The following SCN9A variants were observed in gnomAD, a reference collection of about 807,000 sequenced individuals.
SCN9A encodes sodium channel protein type 9 subunit alpha.
Under a neutral mutation model 187.0 loss-of-function variants are expected in SCN9A, and 131 were observed. The observed-to-expected ratio is 0.70, with a 90% CI of 0.61 to 0.81. The LOEUF (loss-of-function observed/expected upper bound fraction) is 0.81. SCN9A is among the 30% of genes least tolerant of loss of function. SCN9A has a pLI of 0.00. For synonymous variants in SCN9A, 809 were observed against 808.6 expected, an observed-to-expected ratio of 1.00 and a Z score of -0.01; for missense variants, 2,252 against 2,396.6, an observed-to-expected ratio of 0.94 and a Z score of 1.26.
At chr2:166,205,846 G>C (rs971514674) in intron 24 of SCN9A, among the ~76,000 whole-genome samples, 1 of 152,122 alleles carries the variant, frequency 6.6e-6, no homozygotes, top group African/African-American at 2.4e-5. Flanking sequence ...ATCAAAAAGT[G>C]GGCAAAGGAT....
intron 20 of SCN9A, among the ~76,000 whole-genome samples, chr2:166,236,760 A>G (rs952405523): frequency 2.6e-5 from 4 of 152,316 alleles, no homozygotes; most frequent in Admixed American, 1.3e-4. Context: ...ATAACAGTTG[A>G]GAAATTGAAC....
chr2:166,293,415 A>G (rs752487696), intron 8 of SCN9A, 43 bp from the exon 9 acceptor site: 3 of 1,514,444 alleles, frequency 2.0e-6, no homozygotes, highest in Admixed American at 4.1e-5. Context: ...TGTCTTCAGG[A>G]CACAAGCTAA....
At chr2:166,278,385 G>T (rs1466239474) in intron 14 of SCN9A, 72 bp from the exon 15 acceptor site, 10 of 1,262,812 alleles carry the variant, frequency 7.9e-6, no homozygotes, top group Non-Finnish European at 9.8e-6. Context: ...AATAATCACT[G>T]TTTGCTTAGC....
intron 17 of SCN9A, among the ~76,000 whole-genome samples, chr2:166,257,197 C>G (rs1696316122): frequency 6.6e-6 from 1 of 151,460 alleles, no homozygotes; most frequent in Non-Finnish European, 1.5e-5. Context: ...TCTTTAGAAG[C>G]AAACATTTAA....
intron 24 of SCN9A, among the ~76,000 whole-genome samples, chr2:166,205,818 A>C (rs1693772772): frequency 6.6e-6 from 1 of 152,182 alleles, no homozygotes; most frequent in Non-Finnish European, 1.5e-5. Context: ...AATTTACAAG[A>C]AAAAAACAAA....
At chr2:166,337,783 A>T (rs1412875065) in intron 1 of SCN9A, among the ~76,000 whole-genome samples, 5 of 152,122 alleles carry the variant, frequency 3.3e-5, no homozygotes, top group Non-Finnish European at 7.3e-5. Flanking sequence ...AAGTTACTTA[A>T]CTGTGTATCT....
chr2:166,266,492 T>C (rs1696743447), intron 17 of SCN9A, among the ~76,000 whole-genome samples: 1 of 151,796 alleles, frequency 6.6e-6, no homozygotes, highest in Non-Finnish European at 1.5e-5. Context: ...AGTCAGTTAG[T>C]GTGAAGCCAT....
At chr2:166,316,901 T>C (rs1432742928) in intron 1 of SCN9A, among the ~76,000 whole-genome samples, 3 of 151,866 alleles carry the variant, frequency 2.0e-5, no homozygotes, top group Non-Finnish European at 4.4e-5. Context: ...CAATCCAAAA[T>C]CCTAACAGTA....
chr2:166,254,278 C>A (rs1696170856), intron 17 of SCN9A, among the ~76,000 whole-genome samples: 1 of 151,420 alleles, frequency 6.6e-6, no homozygotes, highest in Non-Finnish European at 1.5e-5. Flanking sequence ...GATTCTTAGA[C>A]ATTCAATGTT....
chr2:166,284,834 A>C lies in SCN9A; in HGVS notation c.1603-10T>G, dbSNP rs1315711000. 1.3e-6 allele frequency: 2 copies of C among 1,586,008 alleles called. No homozygotes were observed. Among genetic ancestry groups the C allele is most frequent in the Admixed American group, 1.8e-5 (1 of 55,384 alleles). On this transcript the variant is annotated splice_polypyrimidine_tract_variant and intron_variant, in intron 11 of 26. Coordinates refer to ENST00000642356, the MANE Select transcript of SCN9A (RefSeq NM_001365536.1). ...GAATGCTGAGTGGTGACTGCAGAAA[A>C]ATTAAAAAAAACGTGGTTGCTGAAG...
At chr2:166,236,958 A>C (rs1055158794) in intron 20 of SCN9A, among the ~76,000 whole-genome samples, 1 of 152,074 alleles carries the variant, frequency 6.6e-6, no homozygotes, top group African/African-American at 2.4e-5. Flanking sequence ...TTGCGTGTTG[A>C]CCTCTAATTA....
intron 1 of SCN9A, among the ~76,000 whole-genome samples, chr2:166,335,642 A>G (rs1483150484): frequency 6.6e-6 from 1 of 152,136 alleles, no homozygotes; most frequent in African/African-American, 2.4e-5. Context: ...GCAGACTTTC[A>G]AAAGCTTGGA....
chr2:166,216,041 G>A (rs547407619), intron 24 of SCN9A, among the ~76,000 whole-genome samples: 1 of 152,114 alleles, frequency 6.6e-6, no homozygotes, highest in African/African-American at 2.4e-5. Flanking sequence ...CATTCACCAT[G>A]ATTACTTGGG....
chr2:166,324,656 A>G (rs1699321616), intron 1 of SCN9A, among the ~76,000 whole-genome samples: 1 of 152,308 alleles, frequency 6.6e-6, no homozygotes, highest in East Asian at 1.9e-4. Context: ...CATTGATACT[A>G]TGTGATGAGA....
chr2:166,288,396 A>C, intron 10 of SCN9A, 41 bp downstream of exon 10: 1 of 1,537,228 alleles, frequency 6.5e-7, no homozygotes, highest in African/African-American at 1.4e-5. Context: ...AACCGTTTGC[A>C]TTTCTACCTC....
chr2:166,340,823 A>G (rs1281417157), intron 1 of SCN9A, among the ~76,000 whole-genome samples: 1 of 151,724 alleles, frequency 6.6e-6, no homozygotes, highest in Non-Finnish European at 1.5e-5. Context: ...GGGTCTTACT[A>G]TGTTGCCCCG....
At chr2:166,251,466 A>G (rs1032383983) in intron 18 of SCN9A, among the ~76,000 whole-genome samples, 9 of 152,166 alleles carry the variant, frequency 5.9e-5, no homozygotes, top group African/African-American at 1.9e-4. Context: ...ATTAACTTGT[A>G]TTCTGGTGGT....
intron 1 of SCN9A, among the ~76,000 whole-genome samples, chr2:166,332,875 C>T (rs1415406085): frequency 6.6e-6 from 1 of 151,770 alleles, no homozygotes; most frequent in African/African-American, 2.4e-5. Flanking sequence ...CATAAGCAAC[C>T]TGATGATGCT....
At chr2:166,248,973 A>T (rs73019673) in intron 18 of SCN9A, among the ~76,000 whole-genome samples, 1,887 of 151,986 alleles carry the variant, frequency 0.012, 44 homozygotes, top group African/African-American at 0.043. Context: ...CCAGCCTCTG[A>T]CCTTAACTTT....
Sources: gnomAD v4.1 joint callset for allele counts (sites outside exome capture counted in the v4.1 genomes callset) on GRCh38, gnomAD v4.1.1 for gene constraint, MANE v1.5 for transcripts, NCBI Gene and HGNC (gene_info 2026-07-23, HGNC 2026-07-21) for gene names.